The following PRSS36 variants were observed in gnomAD, a reference collection of about 807,000 sequenced individuals.
The protein encoded by PRSS36 is polyserase-2.
A neutral mutation model predicts 94.3 loss-of-function variants in PRSS36; 90 were observed. That is an observed-to-expected ratio of 0.95 (90% CI 0.80 to 1.14). PRSS36 has a LOEUF of 1.14. Among genes scored for constraint, PRSS36 ranks in the 50% most tolerant of loss-of-function variants. PRSS36 has a pLI of 0.00. For synonymous variants in PRSS36, 500 were observed against 489.6 expected (o/e 1.02, Z -0.28); for missense variants, 1,158 against 1,135.0 (o/e 1.02, Z -0.29).
rs1309580074 is a variant in PRSS36 at position 31,141,924 on chromosome 16, C to T, written c.1558G>A (p.Gly520Arg). The T allele has an allele frequency of 3.7e-6, 6 of 1,614,120 alleles. No individual in the cohort carries two copies. The highest frequency in any genetic ancestry group is 5.1e-6 in the Non-Finnish European group (6 of 1,180,016). The change falls in exon 11 of 15, where the codon GGG becomes AGG. Residue 520 changes from glycine to arginine, a missense_variant. By Grantham distance (125) the Gly-to-Arg change is moderately radical. Coordinates refer to ENST00000268281, the MANE Select transcript of PRSS36 (RefSeq NM_173502.5). ...SRWSLLCQEE[G>R]TWFLAGIRDF... The stretch of plus-strand genomic sequence containing the variant: ...CTGATTCCAGCCAGAAACCAGGTCC[C>T]CTCCTCCTGGCACAAAAGGCTCCAA...
In PRSS36 at chr16:31,143,595, G is replaced by C; in HGVS notation, c.963C>G (p.Ala321=). 1 of 1,614,188 alleles carries C rather than the reference G, an allele frequency of 6.2e-7. No homozygotes were observed. The highest frequency in any genetic ancestry group is 8.5e-7 in the Non-Finnish European group (1 of 1,180,016). ...GGGGTGCCGCCCACTCACCAGGCAG[G>C]GCAATGGTGCAGTTCTCCTCCCTGG... ...QEPREENCTI[A]LPECGKAPRP... Residue 321 remains alanine, a synonymous_variant, in exon 7 of 15, where the codon GCC becomes GCG. Coordinates refer to ENST00000268281, the MANE Select transcript of PRSS36 (RefSeq NM_173502.5).
chr16:31,143,077 G>A, intron 8 of PRSS36, 84 bp from the exon 9 acceptor site: 4 of 1,380,316 alleles, frequency 2.9e-6, no homozygotes, highest in Non-Finnish European at 3.7e-6. Context: ...CTTGCCAGGC[G>A]AGGATCCTGC....
chr16:31,143,378 T>C lies in PRSS36; in HGVS notation c.1064A>G (p.Glu355Gly). The C allele has an allele frequency of 6.2e-7, 1 of 1,611,410 alleles. No individual in the cohort carries two copies. Among genetic ancestry groups the C allele is most frequent in the Non-Finnish European group, 8.5e-7 (1 of 1,178,976 alleles). The change falls in exon 8 of 15, where the codon GAA (glutamate) becomes GGA (glycine). Residue 355 changes from glutamate to glycine, a missense_variant. Glu to Gly is a moderately conservative substitution (Grantham distance 98). Transcript: ENST00000268281. ...GCTGGCAGGTGCCAAGACCCAGCTTTCAGACACCAGCGCCCCATGGCAGGG... is the reference window on the plus strand; with the variant it reads ...GCTGGCAGGTGCCAAGACCCAGCTTCCAGACACCAGCGCCCCATGGCAGGG... ...SRPCHGALVS[E>G]SWVLAPASCF...
chr16:31,145,329 T>C (rs1432063296), intron 6 of PRSS36, among the ~76,000 whole-genome samples: 18 of 133,902 alleles, frequency 1.3e-4, no homozygotes, highest in African/African-American at 5.0e-4. Context: ...GCTGAGATCA[T>C]GCTACTGCAC....
intron 6 of PRSS36, among the ~76,000 whole-genome samples, 181 bp from the exon 7 acceptor site, chr16:31,144,018 C>G (rs890241393): frequency 3.9e-5 from 6 of 152,314 alleles, no homozygotes; most frequent in Admixed American, 3.9e-4. Context: ...AAGCAGAAGG[C>G]CGATGGCAGC....
intron 6 of PRSS36, among the ~76,000 whole-genome samples, chr16:31,145,096 G>A (rs957056385): frequency 1.3e-5 from 2 of 150,850 alleles, no homozygotes; most frequent in Admixed American, 6.6e-5. Context: ...TCGGCCGGGC[G>A]CGGTGGCTCA....
In PRSS36 at chr16:31,138,940, T is replaced by C; in HGVS notation, c.*198A>G. 1 of 573,810 alleles carries C rather than the reference T, an allele frequency of 1.7e-6. No homozygotes were observed. Among genetic ancestry groups the C allele is most frequent in the Non-Finnish European group, 3.0e-6 (1 of 336,204 alleles). The allele number at this position is 573,810 out of a possible 1,614,324, so 35.5% of individuals were successfully genotyped here. On this transcript the variant is annotated 3_prime_UTR_variant, in exon 15 of 15. Transcript: ENST00000268281. ...CACACAGGTACCTGTGTTTACACCT[T>C]TATTGTCCGCTCCTCCCACCACCCC...
chr16:31,146,004 C>T, intron 5 of PRSS36, 49 bp from the exon 6 acceptor site: 1 of 1,545,008 alleles, frequency 6.5e-7, no homozygotes, highest in Non-Finnish European at 8.7e-7. Context: ...TATGGCATCC[C>T]CAGTTCCCAG....
chr16:31,141,368 ATTT>A, intron 12 of PRSS36, 98 bp downstream of exon 12: 5 of 1,098,898 alleles, frequency 4.6e-6, no homozygotes, highest in South Asian at 1.9e-5. Flanking sequence ...CTCATTGTTA[ATTT>A]TTTTTAAACA....
Position 31,149,181 on chromosome 16 carries a change from G to T in PRSS36, c.164C>A (p.Pro55Gln), listed in dbSNP as rs941584856. 1.9e-6 allele frequency: 3 copies of T among 1,571,494 alleles called. No individual in the cohort carries two copies. The highest frequency in any genetic ancestry group is 3.8e-5 in the Admixed American group (2 of 52,636). Residue 55 changes from proline (P) to glutamine (Q), a missense_variant, in exon 4 of 15, where the codon CCG becomes CAG. By Grantham distance (76) the Pro-to-Gln change is moderately conservative. Transcript: ENST00000268281. The stretch of plus-strand genomic sequence containing the variant: ...GCTCACTTGCCAAGGCCAGGTGCCC[G>T]GCTGCGCGTTTGAGCCCCCCACGAT... Reference protein sequence around the residue: ...ARIVGGSNAQPGTWPWQVSLH... With the variant: ...ARIVGGSNAQQGTWPWQVSLH...
rs1197874229 is a variant in PRSS36 at position 31,140,375 on chromosome 16, G to C, written c.2208C>G (p.Ile736Met). The change falls in exon 14 of 15, where the codon ATC becomes ATG. Residue 736 changes from isoleucine to methionine, a missense_variant. Physicochemically the swap from Ile to Met is conservative, Grantham distance 10 (BLOSUM62 1). Coordinates refer to ENST00000268281, the MANE Select transcript of PRSS36 (RefSeq NM_173502.5). ...AAAVSILTQR[I>M]CDCLYQGILP... ...GGATGCCCTGATAGAGGCAGTCACA[G>C]ATTCGTTGTGTCAAGATGGAGACAG... 5.0e-6 allele frequency: 8 copies of C among 1,614,056 alleles called. 1 individual carries two copies. Among genetic ancestry groups the C allele is most frequent in the Non-Finnish European group, 6.8e-6 (8 of 1,180,000 alleles).
chr16:31,144,114 T>A (rs2057761202), intron 6 of PRSS36, among the ~76,000 whole-genome samples: 1 of 152,210 alleles, frequency 6.6e-6, no homozygotes, highest in Non-Finnish European at 1.5e-5. Flanking sequence ...TTCTTGTTGT[T>A]ACTAGCTCAA....
Position 31,140,709 on chromosome 16 carries a change from T to C in PRSS36, c.1950A>G (p.Ala650=). 8 of 1,614,076 alleles carry C rather than the reference T, an allele frequency of 5.0e-6. No homozygotes were observed. Among genetic ancestry groups the C allele is most frequent in the Non-Finnish European group, 5.9e-6 (7 of 1,179,958 alleles). Residue 650 remains alanine, a synonymous_variant, in exon 13 of 15, where the codon GCA becomes GCG. Transcript: ENST00000268281. The part of the protein sequence containing the change: ...VPYIEVYLGR[A]GASSLPQGHQ... ...GGCCCTGTGGGAGGGAGCTGGCCCC[T>C]GCCCGGCCCAGATACACTTCAATGT...
At chr16:31,149,355 C>A in intron 3 of PRSS36, 108 bp downstream of exon 3, 1 of 1,542,054 alleles carries the variant, frequency 6.5e-7, no homozygotes, top group South Asian at 1.2e-5. Context: ...GAACAAAGAA[C>A]ATAGAGGACC....
chr16:31,140,209 A>G lies in PRSS36; in HGVS notation c.2289+85T>C. The G allele has an allele frequency of 2.1e-6, 3 of 1,427,046 alleles. No homozygotes were observed. The East Asian group carries it at 7.3e-5, about 35-fold the overall frequency. 88.4% of individuals were successfully genotyped at this position (1,427,046 alleles called of 1,614,324 possible). A position where few individuals can be genotyped will look rare whatever the true frequency, so the allele number is the denominator to read the frequency against. On this transcript the variant is annotated intron_variant, in intron 14 of 14. Coordinates refer to ENST00000268281, the MANE Select transcript of PRSS36 (RefSeq NM_173502.5). ...TGTCTCAAAAAAAAAAAAAAAAAAAAATTCCAATTCTGCTATCTCTCTAGG... is the reference window on the plus strand; with the variant it reads ...TGTCTCAAAAAAAAAAAAAAAAAAAGATTCCAATTCTGCTATCTCTCTAGG...
In PRSS36 at chr16:31,140,711, C is replaced by T; in HGVS notation, c.1948G>A (p.Ala650Thr). 2.5e-6 allele frequency: 4 copies of T among 1,614,078 alleles called. No homozygotes were observed. Among genetic ancestry groups the T allele is most frequent in the Non-Finnish European group, 3.4e-6 (4 of 1,179,972 alleles). Residue 650 changes from alanine to threonine, a missense_variant, in exon 13 of 15, where the codon GCA becomes ACA. Transcript: ENST00000268281. ...VPYIEVYLGR[A>T]GASSLPQGHQ... Reference sequence around the variant, plus strand: ...CCCTGTGGGAGGGAGCTGGCCCCTGCCCGGCCCAGATACACTTCAATGTAA... The same window carrying T: ...CCCTGTGGGAGGGAGCTGGCCCCTGTCCGGCCCAGATACACTTCAATGTAA...
chr16:31,148,744 G>A, intron 4 of PRSS36, 69 bp from the exon 5 acceptor site: 1 of 1,584,034 alleles, frequency 6.3e-7, no homozygotes, highest in Non-Finnish European at 8.6e-7. Context: ...GTTGGGGGCA[G>A]GGGCTCAGAG....
chr16:31,141,959 T>C lies in PRSS36; in HGVS notation c.1523A>G (p.Asn508Ser). The change falls in exon 11 of 15, where the codon AAT becomes AGT. Residue 508 changes from asparagine (N) to serine (S), a missense_variant and splice_region_variant. Asn to Ser is a conservative substitution (Grantham distance 46). Transcript: ENST00000268281. ...GCACAAAAGGCTCCAACGCGAGTCA[T>C]TCTGCAGCAACAAAGTGTGTGTGTT... The part of the protein sequence containing the change: ...QEKEEVGSCW[N>S]DSRWSLLCQE... 6.2e-7 allele frequency: 1 copy of C among 1,613,942 alleles called. No homozygotes were observed. The highest frequency in any genetic ancestry group is 8.5e-7 in the Non-Finnish European group (1 of 1,179,850).
At chr16:31,142,252 C>T (rs2057707926) in intron 10 of PRSS36, among the ~76,000 whole-genome samples, 1 of 152,124 alleles carries the variant, frequency 6.6e-6, no homozygotes, top group Non-Finnish European at 1.5e-5. Flanking sequence ...GGCCCCGCTT[C>T]CACCCCGGCT....
Sources: gnomAD v4.1 joint callset for allele counts (sites outside exome capture counted in the v4.1 genomes callset) on GRCh38, gnomAD v4.1.1 for gene constraint, MANE v1.5 for transcripts, NCBI Gene and HGNC (gene_info 2026-07-23, HGNC 2026-07-21) for gene names.